The following RERE variants were observed in gnomAD, a reference collection of about 807,000 sequenced individuals.
RERE encodes the protein arginine-glutamic acid dipeptide repeats protein.
In RERE, 40 loss-of-function variants were observed where a neutral mutation model predicts 146.1. That is an observed-to-expected ratio of 0.27 (90% CI 0.21 to 0.36). RERE has a LOEUF of 0.36. Among genes scored for constraint, RERE ranks in the 10% least tolerant of loss-of-function variants. The pLI is 1.00. For synonymous variants in RERE, 1,003 were observed against 866.0 expected (o/e 1.16, Z -2.78); for missense variants, 1,933 against 2,138.7 (o/e 0.90, Z 1.90).
chr1:8,758,533 AGGTGTGCG>A (rs1640692024), intron 1 of RERE, among the ~76,000 whole-genome samples: 1 of 151,882 alleles, frequency 6.6e-6, no homozygotes. Flanking sequence ...CTGGGACTAC[AGGTGTGCG>A]CCACCACACC....
chr1:8,369,944 C>T (rs1641972022), intron 12 of RERE, among the ~76,000 whole-genome samples: 1 of 152,054 alleles, frequency 6.6e-6, no homozygotes, highest in Admixed American at 6.6e-5. Context: ...AGCCCGCCAC[C>T]AGCCCGGCTA....
chr1:8,377,744 C>T (rs1642306584), intron 12 of RERE, among the ~76,000 whole-genome samples: 1 of 152,118 alleles, frequency 6.6e-6, no homozygotes, highest in Non-Finnish European at 1.5e-5. Flanking sequence ...ATAAAATATA[C>T]ATCGGCAATG....
At chr1:8,496,164 A>AAAAAG (rs1449631080) in intron 9 of RERE, among the ~76,000 whole-genome samples, 17 of 151,620 alleles carry the variant, frequency 1.1e-4, no homozygotes, top group African/African-American at 4.1e-4. Context: ...AAAAAAAAAA[A>AAAAAG]AAAAAGGTGA....
At chr1:8,574,431 G>A (rs576249209) in intron 4 of RERE, among the ~76,000 whole-genome samples, 8 of 128,424 alleles carry the variant, frequency 6.2e-5, no homozygotes, top group Non-Finnish European at 1.2e-4. Flanking sequence ...TGCAAGCTCC[G>A]CCTCTCGGGT....
intron 4 of RERE, among the ~76,000 whole-genome samples, chr1:8,610,357 G>A (rs377040923): frequency 2.6e-5 from 4 of 151,568 alleles, no homozygotes; most frequent in East Asian, 2.0e-4. Flanking sequence ...TTGGGAGGCC[G>A]AGGCGGGCAG....
intron 17 of RERE, 126 bp from the exon 18 acceptor site, chr1:8,361,616 A>G (rs1641585146): frequency 7.1e-7 from 1 of 1,406,866 alleles, no homozygotes; most frequent in African/African-American, 1.4e-5. Flanking sequence ...CCGGGACCAC[A>G]GGTCGTGCCC....
At chr1:8,759,144 T>A (rs756933670) in intron 1 of RERE, among the ~76,000 whole-genome samples, 100 of 152,294 alleles carry the variant, frequency 6.6e-4, no homozygotes, top group Admixed American at 2.4e-3. Context: ...ATACTGTGAT[T>A]GTCAAAGAAA....
At chr1:8,731,813 TG>T (rs1306865907) in intron 1 of RERE, among the ~76,000 whole-genome samples, 5 of 152,202 alleles carry the variant, frequency 3.3e-5, no homozygotes, top group Non-Finnish European at 7.3e-5. Context: ...TGTTTTGTTT[TG>T]TTTTTTTGAG....
chr1:8,386,070 G>C (rs1183818962), intron 12 of RERE, among the ~76,000 whole-genome samples: 1 of 75,142 alleles, frequency 1.3e-5, no homozygotes, highest in African/African-American at 5.1e-5. Context: ...GCAGTCAAAA[G>C]AACCACAAAG....
At chr1:8,598,409 C>T (rs1308874693) in intron 4 of RERE, among the ~76,000 whole-genome samples, 6 of 152,200 alleles carry the variant, frequency 3.9e-5, no homozygotes, top group Non-Finnish European at 7.3e-5. Context: ...GGCCCTCCAG[C>T]AGAAGCAACG....
intron 1 of RERE, among the ~76,000 whole-genome samples, chr1:8,709,996 TTCTC>T (rs1277850833): frequency 1.3e-5 from 2 of 152,346 alleles, no homozygotes; most frequent in East Asian, 3.9e-4. Context: ...TTTCTGGCGA[TTCTC>T]TCTTTCTTTC....
intron 10 of RERE, among the ~76,000 whole-genome samples, chr1:8,472,749 G>A (rs889449333): frequency 6.6e-6 from 1 of 152,128 alleles, no homozygotes; most frequent in African/African-American, 2.4e-5. Flanking sequence ...CTAGGGAGGG[G>A]AGAAGCACTT....
chr1:8,512,836 C>G (rs1351615381), intron 7 of RERE: 1 of 152,320 alleles, frequency 6.6e-6, no homozygotes, highest in Admixed American at 6.5e-5. Flanking sequence ...GGGGAAGAAC[C>G]TGAACCAGAT....
chr1:8,598,222 C>T (rs1249196173), intron 4 of RERE, among the ~76,000 whole-genome samples: 3 of 152,224 alleles, frequency 2.0e-5, no homozygotes, highest in Non-Finnish European at 4.4e-5. Context: ...CTCGCTCTTG[C>T]TCCCAGACTC....
At chr1:8,416,523 T>C (rs1643772328) in intron 12 of RERE, among the ~76,000 whole-genome samples, 2 of 149,572 alleles carry the variant, frequency 1.3e-5, no homozygotes, top group South Asian at 2.1e-4. Flanking sequence ...GAGGCGGAGC[T>C]TGCAGTGAGC....
At chr1:8,765,750 G>A (rs1355370634) in intron 1 of RERE, among the ~76,000 whole-genome samples, 2 of 152,148 alleles carry the variant, frequency 1.3e-5, no homozygotes, top group Non-Finnish European at 2.9e-5. Flanking sequence ...TCAGGAGATC[G>A]AGACCATCCT....
intron 1 of RERE, among the ~76,000 whole-genome samples, chr1:8,796,252 G>A (rs1341283384): frequency 6.6e-6 from 1 of 152,094 alleles, no homozygotes; most frequent in Non-Finnish European, 1.5e-5. Context: ...TCTAAGCCAG[G>A]AAATAGCCTT....
chr1:8,419,835 T>C (rs1643871288), intron 12 of RERE, among the ~76,000 whole-genome samples: 1 of 152,218 alleles, frequency 6.6e-6, no homozygotes, highest in Non-Finnish European at 1.5e-5. Context: ...ATCACTTCGT[T>C]CTCAGGCACT....
At chr1:8,512,884 C>G (rs1029201363) in intron 7 of RERE, 2 of 152,426 alleles carry the variant, frequency 1.3e-5, no homozygotes, top group Non-Finnish European at 2.9e-5. Context: ...CTGCACAGAC[C>G]CCCATCTTCT....
Sources: allele counts gnomAD v4.1 joint callset (sites outside exome capture counted in the v4.1 genomes callset), GRCh38; gene constraint gnomAD v4.1.1; transcripts MANE v1.5; gene names NCBI Gene and HGNC (gene_info 2026-07-23, HGNC 2026-07-21).